Variants in GSG1L observed in about 807,000 individuals in gnomAD.
GSG1L encodes GSG1 like.
Under a neutral mutation model 42.1 loss-of-function variants are expected in GSG1L, and 24 were observed. The ratio of observed to expected loss-of-function variants is 0.57; its 90% confidence interval spans 0.41 to 0.80. The LOEUF is 0.80. GSG1L is among the 30% of genes least tolerant of loss of function. The pLI is 0.00. For synonymous variants in GSG1L, 215 were observed against 203.5 expected, an observed-to-expected ratio of 1.06 and a Z score of -0.48; for missense variants, 445 against 472.2, an observed-to-expected ratio of 0.94 and a Z score of 0.53.
At chr16:27,931,031 T>C (rs1388053953) in intron 2 of GSG1L, among the ~76,000 whole-genome samples, 2 of 152,098 alleles carry the variant, frequency 1.3e-5, no homozygotes, top group Non-Finnish European at 2.9e-5. Context: ...GGATTATAGG[T>C]GTGAGCCACC....
At chr16:27,924,893 G>A (rs1015463181) in intron 2 of GSG1L, among the ~76,000 whole-genome samples, 2 of 152,188 alleles carry the variant, frequency 1.3e-5, no homozygotes, top group South Asian at 2.1e-4. Flanking sequence ...AGAAGAGGTC[G>A]ACTCACATCT....
At chr16:27,903,177 C>G (rs2084281623) in intron 2 of GSG1L, among the ~76,000 whole-genome samples, 12 of 152,084 alleles carry the variant, frequency 7.9e-5, no homozygotes, top group Admixed American at 7.9e-4. Context: ...GCTGGTGTGG[C>G]TGGACCCAGA....
At chr16:27,814,593 A>G (rs1644607) in intron 5 of GSG1L, among the ~76,000 whole-genome samples, 101,258 of 151,508 alleles carry the variant, frequency 0.67, 34,459 homozygotes, top group African/African-American at 0.8. Context: ...GCTGAGGCAG[A>G]AGAATCACCT....
intron 2 of GSG1L, among the ~76,000 whole-genome samples, chr16:27,958,075 C>T (rs949514728): frequency 1.3e-5 from 2 of 152,084 alleles, no homozygotes; most frequent in African/African-American, 4.8e-5. Context: ...GGTCACATTT[C>T]AAAATGAGAT....
chr16:28,004,148 G>T (rs1420400742), intron 1 of GSG1L, among the ~76,000 whole-genome samples: 6 of 152,146 alleles, frequency 3.9e-5, no homozygotes, highest in Non-Finnish European at 8.8e-5. Context: ...GCTGAGTTTG[G>T]CTCCTCCTGC....
intron 2 of GSG1L, among the ~76,000 whole-genome samples, chr16:27,933,232 T>A (rs1348346613): frequency 6.6e-6 from 1 of 152,154 alleles, no homozygotes; most frequent in Non-Finnish European, 1.5e-5. Flanking sequence ...GACCATAGCC[T>A]TGACCTGAGC....
intron 5 of GSG1L, among the ~76,000 whole-genome samples, chr16:27,816,316 G>A (rs1264594869): frequency 6.6e-6 from 1 of 152,190 alleles, no homozygotes; most frequent in Non-Finnish European, 1.5e-5. Flanking sequence ...GAAAACCTCT[G>A]GATTCAGGGC....
intron 3 of GSG1L, among the ~76,000 whole-genome samples, chr16:27,856,382 T>C (rs1281102890): frequency 1.2e-4 from 18 of 152,222 alleles, no homozygotes; most frequent in Admixed American, 1.2e-3. Flanking sequence ...GGTGCGATCA[T>C]AGCTCACTGC....
intron 3 of GSG1L, among the ~76,000 whole-genome samples, chr16:27,875,247 C>T (rs1315413710): frequency 6.6e-6 from 1 of 152,142 alleles, no homozygotes; most frequent in African/African-American, 2.4e-5. Flanking sequence ...AGTTGGTGAG[C>T]AAATATCACT....
Position 27,865,139 on chromosome 16 carries a change from C to T in GSG1L, c.550+19347G>A, listed in dbSNP as rs370665759. Among the ~76,000 whole-genome samples, 6 of 152,312 alleles carry T rather than the reference C, an allele frequency of 3.9e-5. 1 individual carries two copies. The East Asian group carries it at 5.8e-4, about 15-fold the overall frequency. ...CCAGTCCAACTCTCACCCCCACACT[C>T]TGGGCTCCTGACCATACTGGGCTCC... On this transcript the variant is annotated intron_variant, in intron 3 of 6. Transcript: ENST00000447459.
intron 4 of GSG1L, among the ~76,000 whole-genome samples, chr16:27,832,324 A>T (rs544677905): frequency 3.9e-5 from 6 of 152,238 alleles, no homozygotes; most frequent in Non-Finnish European, 7.3e-5. Flanking sequence ...ACATTGATAC[A>T]GTCAAACTAC....
intron 6 of GSG1L, among the ~76,000 whole-genome samples, chr16:27,797,127 G>T (rs1201455685): frequency 1.3e-5 from 2 of 152,176 alleles, no homozygotes; most frequent in Non-Finnish European, 2.9e-5. Flanking sequence ...TTAAGTCATT[G>T]TTTCAAGGCC....
intron 1 of GSG1L, among the ~76,000 whole-genome samples, chr16:28,017,293 G>A (rs900447754): frequency 2.0e-5 from 3 of 152,210 alleles, no homozygotes; most frequent in African/African-American, 7.2e-5. Flanking sequence ...CAGGGACAGA[G>A]GGACATTCGG....
At chr16:27,818,251 A>C (rs759827451) in intron 5 of GSG1L, among the ~76,000 whole-genome samples, 2 of 152,212 alleles carry the variant, frequency 1.3e-5, no homozygotes, top group Non-Finnish European at 2.9e-5. Context: ...AGAAAGCATG[A>C]AAGTTCAGGG....
intron 1 of GSG1L, among the ~76,000 whole-genome samples, chr16:28,026,080 G>T (rs777542758): frequency 6.6e-6 from 1 of 152,180 alleles, no homozygotes; most frequent in Non-Finnish European, 1.5e-5. Context: ...CGATATTCAG[G>T]AAGCCAAACG....
intron 1 of GSG1L, among the ~76,000 whole-genome samples, chr16:27,991,614 A>G (rs2085457323): frequency 1.3e-5 from 2 of 151,830 alleles, no homozygotes; most frequent in Non-Finnish European, 2.9e-5. Context: ...CATGTTGGTC[A>G]GGTTGGTCTC....
At chr16:27,989,058 A>C (rs2085424331) in intron 1 of GSG1L, among the ~76,000 whole-genome samples, 1 of 151,568 alleles carries the variant, frequency 6.6e-6, no homozygotes, top group African/African-American at 2.4e-5. Context: ...GTCTCAAAAA[A>C]AAAAAAAAAG....
At chr16:27,994,886 T>C (rs941180914) in intron 1 of GSG1L, among the ~76,000 whole-genome samples, 1 of 152,194 alleles carries the variant, frequency 6.6e-6, no homozygotes, top group Non-Finnish European at 1.5e-5. Flanking sequence ...CAACATTCCC[T>C]GAATCGTGCA....
At chr16:28,039,805 C>G (rs986484465) in intron 1 of GSG1L, among the ~76,000 whole-genome samples, 2 of 152,128 alleles carry the variant, frequency 1.3e-5, no homozygotes, top group African/African-American at 4.8e-5. Context: ...CGCACACAGG[C>G]ACATGCACAC....
Sources: gnomAD v4.1 joint callset for allele counts (sites outside exome capture counted in the v4.1 genomes callset) on GRCh38, gnomAD v4.1.1 for gene constraint, MANE v1.5 for transcripts, NCBI Gene and HGNC (gene_info 2026-07-23, HGNC 2026-07-21) for gene names.